Variants in SLC24A2 observed in about 807,000 individuals in gnomAD.
SLC24A2 encodes the protein sodium/potassium/calcium exchanger 2.
SLC24A2 carries 36 observed loss-of-function variants against 62.0 expected under a neutral mutation model. The ratio of observed to expected loss-of-function variants is 0.58; its 90% CI spans 0.44 to 0.77. The LOEUF (loss-of-function observed/expected upper bound fraction) is 0.77, where lower values mean the gene tolerates loss of function less well. Among genes scored for constraint, SLC24A2 ranks in the 30% least tolerant of loss-of-function variants. The pLI, the probability that SLC24A2 is intolerant of heterozygous loss-of-function variation, is 0.00. For synonymous variants in SLC24A2, 358 were observed against 294.0 expected, an observed-to-expected ratio of 1.22 and a Z score of -2.23; for missense variants, 846 against 817.9, an observed-to-expected ratio of 1.03 and a Z score of -0.42.
intron 8 of SLC24A2, among the ~76,000 whole-genome samples, chr9:19,533,983 ATGTAGGATCACTTTAAATG>A: frequency 6.9e-6 from 1 of 145,152 alleles, no homozygotes; most frequent in South Asian, 2.4e-4. Flanking sequence ...GTAATCTGGG[ATGTAGGATCACTTTAAATG>A]TGCAGTAGCT....
At chr9:19,976,536 G>T in the SLC24A2 span, among the ~76,000 whole-genome samples, 1 of 152,158 alleles carries the variant, frequency 6.6e-6, no homozygotes, top group East Asian at 1.9e-4. Context: ...CATGTTTCCT[G>T]TCAAGACTGC....
chr9:20,203,717 AAGC>A, the SLC24A2 span, among the ~76,000 whole-genome samples: 6 of 151,798 alleles, frequency 4.0e-5, no homozygotes, highest in South Asian at 2.1e-4. Context: ...AAGAAAGAAG[AAGC>A]AGCAGCAGCA....
At position 19,568,813 on chromosome 9, in the gene SLC24A2, T is replaced by C. The variant is rs193030266; in HGVS notation, c.1347+4538A>G. On this transcript the variant is annotated intron_variant, in intron 7 of 10. Transcript: ENST00000341998. ...TGCCTGGTTCAACATTGAAAAGTTA[T>C]AGAAGGGTGCATATTAAAAAGCTTC... is the stretch of plus-strand genomic sequence containing the variant. Among the ~76,000 whole-genome samples, 227 of 152,364 alleles carry C rather than the reference T, an allele frequency of 1.5e-3. 3 individuals are homozygous for C. In the South Asian group the frequency reaches 0.028, roughly 18 times the overall value.
In SLC24A2 at chr9:19,715,766, A is replaced by G. The variant is rs369088842; in HGVS notation, c.930+70171T>C. Among the ~76,000 whole-genome samples, 3 of 152,362 alleles carry G rather than the reference A, an allele frequency of 2.0e-5. No homozygotes were observed. The East Asian group carries it at 5.8e-4, about 29-fold the overall frequency. The stretch of plus-strand genomic sequence containing the variant: ...GGCAATTTTTATACAGCTGCATTAT[A>G]TGCTGATTATGTACAAAGCCTAAAA... On this transcript the variant is annotated intron_variant, in intron 2 of 10. Transcript: ENST00000341998.
chr9:20,215,634 C>T, the SLC24A2 span, among the ~76,000 whole-genome samples: 3 of 152,172 alleles, frequency 2.0e-5, no homozygotes, highest in Non-Finnish European at 2.9e-5. Flanking sequence ...CTTTGCCAGA[C>T]CACTTTTCCT....
intron 2 of SLC24A2, among the ~76,000 whole-genome samples, chr9:19,775,522 T>A (rs1391822918): frequency 6.6e-6 from 1 of 152,226 alleles, no homozygotes; most frequent in Non-Finnish European, 1.5e-5. Flanking sequence ...ATAGATGGTG[T>A]GTGTGCTTGG....
chr9:20,210,597 C>G, the SLC24A2 span, among the ~76,000 whole-genome samples: 1 of 150,110 alleles, frequency 6.7e-6, no homozygotes, highest in Non-Finnish European at 1.5e-5. Context: ...CCTCAGCCTC[C>G]CGAGTAGCTG....
chr9:19,973,743 G>A, the SLC24A2 span, among the ~76,000 whole-genome samples: 10 of 152,274 alleles, frequency 6.6e-5, no homozygotes, highest in Non-Finnish European at 1.3e-4. Context: ...CATTTTACCC[G>A]CTTGTTTAAG....
the SLC24A2 span, among the ~76,000 whole-genome samples, chr9:19,971,705 G>A: frequency 2.0e-5 from 3 of 152,098 alleles, no homozygotes; most frequent in Non-Finnish European, 4.4e-5. Flanking sequence ...GCTGTGTGGG[G>A]ACTGACCAGG....
At chr9:19,652,624 C>A (rs997940792) in intron 2 of SLC24A2, among the ~76,000 whole-genome samples, 4 of 152,112 alleles carry the variant, frequency 2.6e-5, no homozygotes, top group Admixed American at 6.6e-5. Context: ...CACACCCCAA[C>A]CAACATCTTG....
At chr9:19,784,422 A>T in intron 2 of SLC24A2, among the ~76,000 whole-genome samples, 1 of 152,220 alleles carries the variant, frequency 6.6e-6, no homozygotes, top group Admixed American at 6.5e-5. Context: ...AGAAAACAAG[A>T]AAGTACTGAG....
At chr9:19,612,924 A>G (rs888552480) in intron 4 of SLC24A2, among the ~76,000 whole-genome samples, 1 of 152,170 alleles carries the variant, frequency 6.6e-6, no homozygotes, top group African/African-American at 2.4e-5. Flanking sequence ...TTGGTTTCCT[A>G]CTACTCAGCA....
In SLC24A2 at chr9:19,786,537, C is replaced by A. The variant is rs374993206; in HGVS notation, c.330G>T (p.Glu110Asp). 1 of 1,614,068 alleles carries A rather than the reference C, an allele frequency of 6.2e-7. No homozygotes were observed. Among genetic ancestry groups the A allele is most frequent in the Admixed American group, 1.7e-5 (1 of 60,002 alleles). The change falls in exon 2 of 11, where the codon GAG becomes GAT. Residue 110 changes from glutamate to aspartate, a missense_variant. Physicochemically the swap from Glu to Asp is conservative, Grantham distance 45 (BLOSUM62 2). Coordinates refer to ENST00000341998, the MANE Select transcript of SLC24A2 (RefSeq NM_020344.4). This position sits in a 1 kb window ranked among gnomAD's most constrained non-coding sequence, Gnocchi z 5.0. ...QPPLSKEGES[E>D]NSTDHAQGDY... ...CTCCTTGGGCGTGATCTGTACTATT[C>A]TCAGACTCGCCTTCCTTAGAAAGAG...
At chr9:19,668,035 C>T (rs961333196) in intron 2 of SLC24A2, among the ~76,000 whole-genome samples, 1 of 152,128 alleles carries the variant, frequency 6.6e-6, no homozygotes, top group African/African-American at 2.4e-5. Flanking sequence ...CCACATCTAT[C>T]TCCTTGGCCA....
chr9:19,769,464 A>C (rs1822618825), intron 2 of SLC24A2, among the ~76,000 whole-genome samples: 1 of 152,348 alleles, frequency 6.6e-6, no homozygotes, highest in East Asian at 1.9e-4. Flanking sequence ...CACAGTGAAC[A>C]TGAGTCAGAC....
At chr9:20,048,781 G>T in the SLC24A2 span, among the ~76,000 whole-genome samples, 1 of 151,406 alleles carries the variant, frequency 6.6e-6, no homozygotes, top group South Asian at 2.1e-4. Context: ...AGTGTGAAAA[G>T]ATTTTATAAG....
At chr9:19,573,529 CAGAGAGAG>C (rs35965587) in intron 6 of SLC24A2, 60 bp from the exon 7 acceptor site, 209 of 432,736 alleles carry the variant, frequency 4.8e-4, no homozygotes, top group African/African-American at 4.2e-3. Context: ...CACACACACA[CAGAGAGAG>C]AGAGAGAGAG....
At position 19,515,981 on chromosome 9, in the gene SLC24A2, C is replaced by T. The variant is rs1832905568; in HGVS notation, c.*172G>A. Reference sequence around the variant, plus strand: ...TTTCAGTAGGCAGGGTGGAAGCAGCCTGTGAAGTGAATGGGCCCAGTGTGA... The same window carrying T: ...TTTCAGTAGGCAGGGTGGAAGCAGCTTGTGAAGTGAATGGGCCCAGTGTGA... On this transcript the variant is annotated 3_prime_UTR_variant, in exon 11 of 11. Transcript: ENST00000341998. 6 of 810,756 alleles carry T rather than the reference C, an allele frequency of 7.4e-6. No individual in the cohort carries two copies. Among genetic ancestry groups the T allele is most frequent in the Non-Finnish European group, 1.3e-5 (6 of 473,866 alleles). 50.2% of individuals were successfully genotyped at this position (810,756 alleles called of 1,614,324 possible). A position where few individuals can be genotyped will look rare whatever the true frequency, so the allele number is the denominator to read the frequency against.
chr9:20,088,743 A>G, the SLC24A2 span, among the ~76,000 whole-genome samples: 5 of 151,878 alleles, frequency 3.3e-5, no homozygotes, highest in East Asian at 9.7e-4. Flanking sequence ...CTCTGATCCC[A>G]TTCCTCCTCG....
Sources: gnomAD v4.1 joint callset for allele counts (sites outside exome capture counted in the v4.1 genomes callset) on GRCh38, gnomAD v4.1.1 for gene constraint, Gnocchi (gnomAD v3.1) non-coding constraint, MANE v1.5 for transcripts, NCBI Gene and HGNC (gene_info 2026-07-23, HGNC 2026-07-21) for gene names.